TFEB: variants seen among roughly 807,000 people sequenced by gnomAD.
The protein encoded by TFEB is transcription factor EB.
In TFEB, 12 loss-of-function variants were observed where a neutral mutation model predicts 48.0. The ratio of observed to expected loss-of-function variants is 0.25; its 90% CI spans 0.16 to 0.40. The LOEUF (loss-of-function observed/expected upper bound fraction) is 0.40. TFEB is among the 10% of genes least tolerant of loss of function. The probability of loss-of-function intolerance (pLI) is 1.00; values close to 1 mark genes in which losing one functional copy is unlikely to be tolerated. For missense variants in TFEB, 509 were observed against 640.3 expected, an observed-to-expected ratio of 0.79 and a Z score of 2.21; for synonymous variants, 244 against 261.4, an observed-to-expected ratio of 0.93 and a Z score of 0.64.
chr6:41,713,006 C>A (rs1171692838), intron 1 of TFEB, among the ~76,000 whole-genome samples: 5 of 152,168 alleles, frequency 3.3e-5, no homozygotes, highest in African/African-American at 1.2e-4. Flanking sequence ...GCATTTTGGA[C>A]CTATTACGTA....
chr6:41,689,496 T>C (rs1769183390), intron 4 of TFEB, among the ~76,000 whole-genome samples: 5 of 151,928 alleles, frequency 3.3e-5, no homozygotes, highest in Admixed American at 3.3e-4. Context: ...CCCCAGCCCC[T>C]TCTCCCCTCT....
intron 1 of TFEB, among the ~76,000 whole-genome samples, chr6:41,694,211 C>T (rs574826371): frequency 6.6e-6 from 1 of 152,298 alleles, no homozygotes; most frequent in South Asian, 2.1e-4. Context: ...CTCTCACTGG[C>T]TGGGCCAGCC....
chr6:41,702,613 C>T (rs1769993462), intron 1 of TFEB, among the ~76,000 whole-genome samples: 1 of 151,532 alleles, frequency 6.6e-6, no homozygotes, highest in Admixed American at 6.6e-5. Flanking sequence ...ATGGATGCTA[C>T]GTCAGCCTAT....
At chr6:41,713,641 G>T (rs1188703312) in intron 1 of TFEB, among the ~76,000 whole-genome samples, 3 of 152,162 alleles carry the variant, frequency 2.0e-5, no homozygotes, top group Admixed American at 2.0e-4. Flanking sequence ...GTGGGCAGCA[G>T]GGAAAGGCAG....
chr6:41,706,252 C>T (rs188475097), intron 1 of TFEB, among the ~76,000 whole-genome samples: 1 of 152,272 alleles, frequency 6.6e-6, no homozygotes, highest in Admixed American at 6.5e-5. Flanking sequence ...GGATGGGAGC[C>T]CTGAGAGCAG....
At chr6:41,732,966 A>AGAAACCGAGTTGACTTT in intron 1 of TFEB, 2 of 985,512 alleles carry the variant, frequency 2.0e-6, no homozygotes, top group Non-Finnish European at 2.4e-6. Flanking sequence ...TGTTGCCTGC[A>AGAAACCGAGTTGACTTT]GAAACCGAGT....
At chr6:41,687,548 C>G in intron 6 of TFEB, 1 of 688,034 alleles carries the variant, frequency 1.5e-6, no homozygotes, top group South Asian at 1.8e-5. Context: ...TTCCTACCCA[C>G]TCCTAAAGAG....
chr6:41,733,155 G>A (rs1771522034), intron 1 of TFEB: 2 of 576,748 alleles, frequency 3.5e-6, no homozygotes, highest in African/African-American at 2.0e-5. Flanking sequence ...TGAGGGGTGG[G>A]AGTCCCCTTC....
chr6:41,689,236 G>A (rs1769169488), intron 4 of TFEB, among the ~76,000 whole-genome samples: 1 of 152,150 alleles, frequency 6.6e-6, no homozygotes, highest in African/African-American at 2.4e-5. Flanking sequence ...AGCTGCCAGA[G>A]GGAGTGTTCC....
chr6:41,729,170 C>T (rs1196920847), intron 1 of TFEB, among the ~76,000 whole-genome samples: 1 of 152,012 alleles, frequency 6.6e-6, no homozygotes, highest in Non-Finnish European at 1.5e-5. Flanking sequence ...TTCACCCCAA[C>T]TCCCTCCAGT....
intron 1 of TFEB, among the ~76,000 whole-genome samples, chr6:41,695,875 T>G (rs1769551310): frequency 6.6e-6 from 1 of 152,204 alleles, no homozygotes; most frequent in Admixed American, 6.5e-5. Context: ...TTCCAGGGCT[T>G]CCAGTCATGT....
At chr6:41,710,856 C>A (rs113146438) in intron 1 of TFEB, among the ~76,000 whole-genome samples, 5 of 152,280 alleles carry the variant, frequency 3.3e-5, no homozygotes, top group South Asian at 4.1e-4. Flanking sequence ...TCTCCTCCTC[C>A]TCCCGACAGC....
intron 1 of TFEB, among the ~76,000 whole-genome samples, chr6:41,692,007 G>C (rs1170759633): frequency 6.6e-5 from 10 of 152,018 alleles, no homozygotes; most frequent in Admixed American, 6.6e-4. Context: ...ATGACATCAT[G>C]GCTCACTCCT....
intron 1 of TFEB, among the ~76,000 whole-genome samples, chr6:41,704,700 G>C (rs931512578): frequency 1.3e-5 from 2 of 152,244 alleles, no homozygotes; most frequent in Non-Finnish European, 2.9e-5. Flanking sequence ...TGGGGACTTA[G>C]TTCCCTGGTT....
intron 1 of TFEB, among the ~76,000 whole-genome samples, chr6:41,708,037 C>T (rs1402178465): frequency 6.6e-6 from 1 of 152,242 alleles, no homozygotes; most frequent in Non-Finnish European, 1.5e-5. Flanking sequence ...GAGAGGATGC[C>T]ATGCCACAGG....
intron 7 of TFEB, chr6:41,686,646 G>C (rs1471006283): frequency 4.2e-6 from 1 of 237,174 alleles, no homozygotes; most frequent in Non-Finnish European, 8.3e-6. Context: ...CTCCCTAGTA[G>C]CTGGCACTGT....
intron 1 of TFEB, among the ~76,000 whole-genome samples, chr6:41,715,709 C>T (rs1238354891): frequency 6.6e-6 from 1 of 151,942 alleles, no homozygotes; most frequent in African/African-American, 2.4e-5. Context: ...GGATTCAGGT[C>T]CTCCCATGCT....
Position 41,723,381 on chromosome 6 carries a change from T to G in TFEB, c.-23+11969A>C. On this transcript the variant is annotated intron_variant, in intron 1 of 8. Transcript: ENST00000373033. This position sits in a 1 kb window ranked among gnomAD's most constrained non-coding sequence, Gnocchi z 6.0. ...TACACTCACACAGATGCACACAGGC[T>G]AACACACATGGACACACATTCACAC... 1.1e-6 allele frequency: 1 copy of G among 926,732 alleles called. No individual in the cohort carries two copies. Among genetic ancestry groups the G allele is most frequent in the Non-Finnish European group, 1.5e-6 (1 of 660,320 alleles). The allele number at this position is 926,732 out of a possible 1,614,324, so 57.4% of individuals were successfully genotyped here.
chr6:41,722,213 CA>C (rs1293111052), intron 1 of TFEB, among the ~76,000 whole-genome samples: 1 of 152,228 alleles, frequency 6.6e-6, no homozygotes, highest in Non-Finnish European at 1.5e-5. Flanking sequence ...CTCCTGACCT[CA>C]GGGGACCCGC....
Sources: allele counts gnomAD v4.1 joint callset (sites outside exome capture counted in the v4.1 genomes callset), GRCh38; gene constraint gnomAD v4.1.1; non-coding constraint Gnocchi (gnomAD v3.1); transcripts MANE v1.5; gene names NCBI Gene and HGNC (gene_info 2026-07-23, HGNC 2026-07-21).